KPNA3: variants seen among roughly 807,000 people sequenced by gnomAD.
KPNA3 encodes importin subunit alpha-4.
In KPNA3, 13 loss-of-function variants were observed where a neutral mutation model predicts 73.8. The ratio of observed to expected loss-of-function variants is 0.18; its 90% CI spans 0.11 to 0.28. The LOEUF is 0.28. Among genes scored for constraint, KPNA3 ranks in the 10% least tolerant of loss-of-function variants. The probability of loss-of-function intolerance (pLI) is 1.00; values close to 1 mark genes in which losing one functional copy is unlikely to be tolerated. For synonymous variants in KPNA3, 186 were observed against 206.9 expected, an observed-to-expected ratio of 0.90 and a Z score of 0.87; for missense variants, 360 against 618.1, an observed-to-expected ratio of 0.58 and a Z score of 4.43.
intron 11 of KPNA3, among the ~76,000 whole-genome samples, 200 bp downstream of exon 11, chr13:49,710,691 A>G (rs1954251848): frequency 6.6e-6 from 1 of 152,232 alleles, no homozygotes; most frequent in African/African-American, 2.4e-5. Flanking sequence ...GGTCAAGAAC[A>G]ATTGGCTATA....
chr13:49,778,391 T>C (rs1954913988), intron 1 of KPNA3, among the ~76,000 whole-genome samples: 1 of 152,230 alleles, frequency 6.6e-6, no homozygotes. Context: ...CCTCTGTCTA[T>C]ACATCTTCTT....
intron 15 of KPNA3, among the ~76,000 whole-genome samples, chr13:49,703,669 T>A (rs1363107396): frequency 6.6e-6 from 1 of 152,198 alleles, no homozygotes; most frequent in Non-Finnish European, 1.5e-5. Context: ...ATAGCCACAA[T>A]GAACCTGGGA....
At chr13:49,791,103 C>T (rs1433728511) in intron 1 of KPNA3, among the ~76,000 whole-genome samples, 1 of 152,180 alleles carries the variant, frequency 6.6e-6, no homozygotes, top group African/African-American at 2.4e-5. Flanking sequence ...GGGAATTCCA[C>T]GGATATCTCC....
chr13:49,711,542 CTGTT>C (rs1242013561), intron 10 of KPNA3, among the ~76,000 whole-genome samples: 1 of 152,194 alleles, frequency 6.6e-6, no homozygotes, highest in Non-Finnish European at 1.5e-5. Context: ...GGGGAAAAAA[CTGTT>C]TGAAAATCTC....
rs1159597723 is a variant in KPNA3 at position 49,699,782 on chromosome 13, G to A, written c.*2018C>T. 2 of 152,610 alleles carry A rather than the reference G, an allele frequency of 1.3e-5. No homozygotes were observed. The highest frequency in any genetic ancestry group is 2.9e-5 in the Non-Finnish European group (2 of 68,032). 9.5% of individuals were successfully genotyped at this position (152,610 alleles called of 1,614,324 possible). A position where few individuals can be genotyped will look rare whatever the true frequency, so the allele number is the denominator to read the frequency against. On this transcript the variant is annotated 3_prime_UTR_variant, in exon 17 of 17. Coordinates refer to ENST00000261667, the MANE Select transcript of KPNA3 (RefSeq NM_002267.4). ...GGGGTACGGTTCACAATATCAAGAA[G>A]ATTTGGACTTTTAAGGGTTTCACCG...
At chr13:49,716,210 T>C (rs755550538) in intron 10 of KPNA3, among the ~76,000 whole-genome samples, 3 of 152,162 alleles carry the variant, frequency 2.0e-5, no homozygotes, top group African/African-American at 4.8e-5. Flanking sequence ...TAGGCTGGGC[T>C]TGAACTCCTG....
Position 49,719,678 on chromosome 13 carries a change from C to T in KPNA3, c.771+97G>A. ...GAAAACTGTAAATACGTTGTAGAAA[C>T]TTGACAAGTTGATAAAATGTATGCT... is the stretch of plus-strand genomic sequence containing the variant. On this transcript the variant is annotated intron_variant, in intron 10 of 16. Transcript: ENST00000261667. The T allele has an allele frequency of 6.0e-6, 5 of 833,026 alleles. 1 individual carries two copies. The highest frequency in any genetic ancestry group is 3.0e-5 in the South Asian group (2 of 66,800). 51.6% of individuals were successfully genotyped at this position (833,026 alleles called of 1,614,324 possible).
chr13:49,776,112 C>A (rs1379933671), intron 1 of KPNA3, among the ~76,000 whole-genome samples: 1 of 152,100 alleles, frequency 6.6e-6, no homozygotes, highest in Non-Finnish European at 1.5e-5. Context: ...ACAAGAGTTT[C>A]GCCATGTTGA....
chr13:49,791,795 G>A (rs920259066), intron 1 of KPNA3, among the ~76,000 whole-genome samples: 1 of 152,210 alleles, frequency 6.6e-6, no homozygotes, highest in African/African-American at 2.4e-5. Context: ...AGTATGAGCT[G>A]CAACAGCTCG....
At chr13:49,766,728 C>A (rs891685206) in intron 1 of KPNA3, among the ~76,000 whole-genome samples, 4 of 152,144 alleles carry the variant, frequency 2.6e-5, no homozygotes, top group African/African-American at 9.7e-5. Context: ...TTCCACTGGT[C>A]TGCCAGTTAC....
chr13:49,755,231 T>C (rs1954700563), intron 1 of KPNA3, among the ~76,000 whole-genome samples: 1 of 152,146 alleles, frequency 6.6e-6, no homozygotes, highest in Non-Finnish European at 1.5e-5. Context: ...TAAACCATAC[T>C]AATAGACTAA....
intron 1 of KPNA3, among the ~76,000 whole-genome samples, chr13:49,790,702 G>A (rs1170192429): frequency 6.6e-6 from 1 of 152,136 alleles, no homozygotes; most frequent in African/African-American, 2.4e-5. Flanking sequence ...AAAGTCACGG[G>A]TTACATTCTT....
chr13:49,745,636 C>T (rs1449272288), intron 2 of KPNA3, among the ~76,000 whole-genome samples: 3 of 152,030 alleles, frequency 2.0e-5, no homozygotes, highest in Admixed American at 6.5e-5. Flanking sequence ...GGAATGACGG[C>T]ATGAGCCACC....
chr13:49,754,214 T>C (rs926603420), intron 1 of KPNA3, among the ~76,000 whole-genome samples: 1 of 152,034 alleles, frequency 6.6e-6, no homozygotes, highest in East Asian at 1.9e-4. Context: ...AGGCAGAGAA[T>C]TGCTTGAACC....
Position 49,722,106 on chromosome 13 carries a change from C to A in KPNA3, c.575G>T (p.Arg192Ile). The change falls in exon 9 of 17, where the codon AGA (arginine) becomes ATA (isoleucine). Residue 192 changes from arginine (R) to isoleucine (I), a missense_variant. This residue lies in a region of KPNA3 where 287 missense variants were observed against 549.1 expected (regional missense o/e 0.52). Transcript: ENST00000261667. ...GNIIGDGPQC[R>I]DYVISLGVVK... ...AACTCCCAGTGATATGACATAATCTCTACATTGAGGACCATCACCTACAGA... is the reference window on the plus strand; with the variant it reads ...AACTCCCAGTGATATGACATAATCTATACATTGAGGACCATCACCTACAGA... 1.3e-6 allele frequency: 2 copies of A among 1,575,192 alleles called. No individual in the cohort carries two copies. The highest frequency in any genetic ancestry group is 1.2e-5 in the South Asian group (1 of 83,004).
intron 2 of KPNA3, among the ~76,000 whole-genome samples, chr13:49,745,786 G>A (rs562416321): frequency 3.3e-5 from 5 of 151,952 alleles, no homozygotes; most frequent in Admixed American, 1.3e-4. Flanking sequence ...TGTATAGGCC[G>A]GGCACGGTGG....
At chr13:49,787,463 T>A (rs1434236002) in intron 1 of KPNA3, among the ~76,000 whole-genome samples, 2 of 152,208 alleles carry the variant, frequency 1.3e-5, no homozygotes, top group Non-Finnish European at 2.9e-5. Flanking sequence ...CTCCCTTCGG[T>A]GGAGTACAGC....
intron 1 of KPNA3, among the ~76,000 whole-genome samples, chr13:49,767,138 C>A (rs1340069640): frequency 6.6e-6 from 1 of 151,708 alleles, no homozygotes; most frequent in Non-Finnish European, 1.5e-5. Flanking sequence ...ATCAATTAGG[C>A]CTGTGCAGTG....
intron 1 of KPNA3, 34 bp downstream of exon 1, chr13:49,792,404 G>GC: frequency 6.7e-7 from 1 of 1,492,860 alleles, no homozygotes. Flanking sequence ...GGCCGGCGCG[G>GC]CCAGGCGGGC....
Sources: allele counts gnomAD v4.1 joint callset (sites outside exome capture counted in the v4.1 genomes callset), GRCh38; gene constraint gnomAD v4.1.1; regional missense constraint gnomAD v4.1.1; transcripts MANE v1.5; gene names NCBI Gene and HGNC (gene_info 2026-07-23, HGNC 2026-07-21).